The following RASSF5 variants were observed in gnomAD, a reference collection of about 807,000 sequenced individuals.
RASSF5 encodes ras association domain-containing protein 5.
Under a neutral mutation model 40.5 loss-of-function variants are expected in RASSF5, and 25 were observed. That is an observed-to-expected ratio of 0.62 (90% confidence interval 0.45 to 0.86). The LOEUF is 0.86. Ranked by LOEUF, RASSF5 falls within the 40% of genes least tolerant of loss-of-function variation. RASSF5 has a pLI of 0.00. For missense variants in RASSF5, 521 were observed against 572.8 expected (o/e 0.91, Z 0.92); for synonymous variants, 246 against 252.4 (o/e 0.97, Z 0.24).
chr1:206,555,261 G>T (rs1667948504), intron 2 of RASSF5, among the ~76,000 whole-genome samples: 1 of 152,108 alleles, frequency 6.6e-6, no homozygotes, highest in African/African-American at 2.4e-5. Context: ...GGGTACCTTG[G>T]CTTGGTGTTT....
rs1159624650 is a variant in RASSF5 at position 206,560,691 on chromosome 1, G to A, written c.579+22398G>A. 1.3e-5 allele frequency among the ~76,000 whole-genome samples: 2 copies of A among 152,190 alleles called. No individual in the cohort carries two copies. The highest frequency in any genetic ancestry group is 4.8e-5 in the African/African-American group (2 of 41,454). On this transcript the variant is annotated intron_variant, in intron 2 of 5. Transcript: ENST00000579436. This position sits in a 1 kb window ranked among gnomAD's most constrained non-coding sequence, Gnocchi z 5.1. ...GCCTGTGGGCTTGGGCAGTGCAGAC[G>A]TAGATGGTCTCAGTAAGACCATCAT...
chr1:206,547,795 T>G (rs574654439), intron 2 of RASSF5, among the ~76,000 whole-genome samples: 3 of 152,200 alleles, frequency 2.0e-5, no homozygotes, highest in Non-Finnish European at 4.4e-5. Context: ...AATGGCCAAT[T>G]ATATTTTAAA....
chr1:206,515,427 G>A (rs1423081894), intron 1 of RASSF5, among the ~76,000 whole-genome samples: 1 of 152,182 alleles, frequency 6.6e-6, no homozygotes, highest in Non-Finnish European at 1.5e-5. Context: ...GGGTGTGTAG[G>A]GGGTGGGCCT....
chr1:206,525,035 T>A (rs1553396985), intron 1 of RASSF5, among the ~76,000 whole-genome samples: 3 of 152,078 alleles, frequency 2.0e-5, no homozygotes, highest in African/African-American at 7.2e-5. Flanking sequence ...ACTTCCTGCA[T>A]CATTTGTCTG....
intron 2 of RASSF5, among the ~76,000 whole-genome samples, chr1:206,582,823 T>C (rs1668946703): frequency 6.6e-6 from 1 of 152,244 alleles, no homozygotes; most frequent in African/African-American, 2.4e-5. Context: ...TCCCTCCAGC[T>C]GTGTTGTTAC....
Position 206,508,000 on chromosome 1 carries a change from GC to G in RASSF5, c.402del (p.Gly135AlafsTer31). Reference protein sequence around the residue: ...HCFAELVLPGGPGWCDLCGRE... With the variant: ...HCFAELVLPGXPGWCDLCGRE... ...TTCGCCGAGTTGGTGCTGCCGGGCG[GC>G]CCCGGCTGGTGTGACCTGTGCGGAC... On this transcript the variant is annotated frameshift_variant, in exon 1 of 6. Transcript: ENST00000579436. LOFTEE classifies it high-confidence loss of function. The G allele has an allele frequency of 6.6e-7, 1 of 1,512,868 alleles. No homozygotes were observed. Among genetic ancestry groups the G allele is most frequent in the South Asian group, 1.3e-5 (1 of 79,506 alleles). 93.7% of individuals were successfully genotyped at this position (1,512,868 alleles called of 1,614,324 possible).
chr1:206,511,889 T>C (rs1553394718), intron 1 of RASSF5, among the ~76,000 whole-genome samples: 1 of 152,138 alleles, frequency 6.6e-6, no homozygotes, highest in Non-Finnish European at 1.5e-5. Context: ...ATCCCCCGCT[T>C]GTGGGTTCTT....
intron 2 of RASSF5, among the ~76,000 whole-genome samples, chr1:206,540,480 G>A (rs1023995468): frequency 1.3e-5 from 2 of 152,244 alleles, no homozygotes; most frequent in Non-Finnish European, 2.9e-5. Context: ...CAAGAACCCC[G>A]CGTGGGAGCT....
intron 1 of RASSF5, among the ~76,000 whole-genome samples, chr1:206,532,117 C>T (rs1456787340): frequency 6.6e-6 from 1 of 151,944 alleles, no homozygotes; most frequent in African/African-American, 2.4e-5. Flanking sequence ...TTCAGATTTC[C>T]CTGTAGTGCC....
rs112324473 is a variant in RASSF5 at position 206,557,721 on chromosome 1, C to T, written c.579+19428C>T. On this transcript the variant is annotated intron_variant, in intron 2 of 5. Coordinates refer to ENST00000579436, the MANE Select transcript of RASSF5 (RefSeq NM_182663.4). ...AAACATAATAATGGAATGCAGGAGCCTTTCGTGGGGGGAAATAACCTCTGT... is the reference window on the plus strand; with the variant it reads ...AAACATAATAATGGAATGCAGGAGCTTTTCGTGGGGGGAAATAACCTCTGT... The T allele has an allele frequency of 1.1e-5, 17 of 1,611,724 alleles. No individual in the cohort carries two copies. In the African/African-American group the frequency reaches 2.1e-4, roughly 20 times the overall value.
intron 2 of RASSF5, chr1:206,557,310 G>T: frequency 1.6e-6 from 2 of 1,248,868 alleles, no homozygotes; most frequent in Non-Finnish European, 2.0e-6. Context: ...GGCGCGAGCC[G>T]GGCGCCCGGG....
chr1:206,549,742 T>C (rs1553400808), intron 2 of RASSF5, among the ~76,000 whole-genome samples: 1 of 152,220 alleles, frequency 6.6e-6, no homozygotes. Context: ...GGGCTAATTA[T>C]TTCCCACCAC....
intron 2 of RASSF5, among the ~76,000 whole-genome samples, chr1:206,561,846 T>TTC (rs1553402701): frequency 6.6e-6 from 1 of 151,018 alleles, no homozygotes; most frequent in Non-Finnish European, 1.5e-5. Flanking sequence ...TTGTGTTTTT[T>TTC]TTTTTGAGTA....
In RASSF5 at chr1:206,587,434, G is replaced by C. The variant is rs991971394; in HGVS notation, c.*456G>C. The C allele has an allele frequency of 1.6e-4, 38 of 240,252 alleles. No individual in the cohort carries two copies. The highest frequency in any genetic ancestry group is 3.1e-4 in the Non-Finnish European group (37 of 120,824). The allele number at this position is 240,252 out of a possible 1,614,324, so 14.9% of individuals were successfully genotyped here. A position where few individuals can be genotyped will look rare whatever the true frequency, so the allele number is the denominator to read the frequency against. On this transcript the variant is annotated 3_prime_UTR_variant, in exon 6 of 6. Transcript: ENST00000579436. The stretch of plus-strand genomic sequence containing the variant: ...TGAAAAGTTGTAGCACATTCCTTTT[G>C]CAGGTCTGAGCTAAGCCCCTGAAAG...
At chr1:206,521,501 T>A (rs1553396097) in intron 1 of RASSF5, among the ~76,000 whole-genome samples, 1 of 152,204 alleles carries the variant, frequency 6.6e-6, no homozygotes, top group African/African-American at 2.4e-5. Context: ...GGTGCATTCA[T>A]ATCTGTATTT....
intron 2 of RASSF5, among the ~76,000 whole-genome samples, chr1:206,568,202 G>A (rs1027572221): frequency 6.6e-6 from 1 of 152,222 alleles, no homozygotes; most frequent in African/African-American, 2.4e-5. Flanking sequence ...ACAGTGAGGG[G>A]ACACAAGCAT....
chr1:206,564,275 C>G (rs1230865486), intron 2 of RASSF5, among the ~76,000 whole-genome samples: 1 of 152,160 alleles, frequency 6.6e-6, no homozygotes, highest in East Asian at 1.9e-4. Flanking sequence ...CGACCTCCTC[C>G]AGGACCACCT....
At chr1:206,525,189 A>G (rs1485602856) in intron 1 of RASSF5, among the ~76,000 whole-genome samples, 2 of 151,994 alleles carry the variant, frequency 1.3e-5, no homozygotes, top group Non-Finnish European at 2.9e-5. Flanking sequence ...TGTGTTGGAG[A>G]TGGATGATTA....
At chr1:206,515,084 G>A (rs1666712980) in intron 1 of RASSF5, among the ~76,000 whole-genome samples, 1 of 152,192 alleles carries the variant, frequency 6.6e-6, no homozygotes, top group Non-Finnish European at 1.5e-5. Flanking sequence ...ACCCAGCATG[G>A]CATTTTGCCT....
Sources: gnomAD v4.1 joint callset for allele counts (sites outside exome capture counted in the v4.1 genomes callset) on GRCh38, gnomAD v4.1.1 for gene constraint, Gnocchi (gnomAD v3.1) non-coding constraint, MANE v1.5 for transcripts, NCBI Gene and HGNC (gene_info 2026-07-23, HGNC 2026-07-21) for gene names.